Variants in DLD observed in about 807,000 individuals in gnomAD.
DLD encodes dihydrolipoamide dehydrogenase, also known as dihydrolipoyl dehydrogenase, mitochondrial.
Under a neutral mutation model 62.2 loss-of-function variants are expected in DLD, and 36 were observed. That is an observed-to-expected ratio of 0.58 (90% confidence interval 0.44 to 0.76). DLD has a LOEUF of 0.76. Among genes scored for constraint, DLD ranks in the 30% least tolerant of loss-of-function variants. The pLI is 0.00. For synonymous variants in DLD, 204 were observed against 199.6 expected (o/e 1.02, Z -0.19); for missense variants, 541 against 608.6 (o/e 0.89, Z 1.17).
Position 107,919,334 on chromosome 7 carries a change from T to C in DLD, c.*75T>C. 8.4e-7 allele frequency: 1 copy of C among 1,184,896 alleles called. No homozygotes were observed. Among genetic ancestry groups the C allele is most frequent in the South Asian group, 1.3e-5 (1 of 77,210 alleles). 73.4% of individuals were successfully genotyped at this position (1,184,896 alleles called of 1,614,324 possible). On this transcript the variant is annotated 3_prime_UTR_variant, in exon 14 of 14. Coordinates refer to ENST00000205402, the MANE Select transcript of DLD (RefSeq NM_000108.5). Reference sequence around the variant, plus strand: ...AGAAGTCACATTCCTGAACAGGATATTCTCACAGCTCCAAGAATTTCTAGG... The same window carrying C: ...AGAAGTCACATTCCTGAACAGGATACTCTCACAGCTCCAAGAATTTCTAGG...
At chr7:107,896,817 T>G (rs1432475449) in intron 2 of DLD, among the ~76,000 whole-genome samples, 2 of 151,962 alleles carry the variant, frequency 1.3e-5, no homozygotes, top group Admixed American at 6.6e-5. Flanking sequence ...TTTTTCTTTT[T>G]AAAAATCTGG....
At chr7:107,896,067 G>A (rs1472980578) in intron 2 of DLD, among the ~76,000 whole-genome samples, 1 of 152,220 alleles carries the variant, frequency 6.6e-6, no homozygotes, top group East Asian at 1.9e-4. Context: ...AAACTGCATG[G>A]TATTGGTGAG....
intron 10 of DLD, 130 bp downstream of exon 10, chr7:107,917,094 A>G (rs1426213299): frequency 1.7e-6 from 2 of 1,201,644 alleles, no homozygotes; most frequent in Admixed American, 2.1e-5. Context: ...ACAAAATGTA[A>G]AATAAAAAAT....
Position 107,916,475 on chromosome 7 carries a change from CCA to C in DLD, c.876-318_876-317del, listed in dbSNP as rs2032271657. Among the ~76,000 whole-genome samples the C allele has an allele frequency of 3.9e-5, 6 of 152,214 alleles. No individual in the cohort carries two copies. In the South Asian group the frequency reaches 1.0e-3, roughly 26 times the overall value. On this transcript the variant is annotated intron_variant, in intron 9 of 13. Coordinates refer to ENST00000205402, the MANE Select transcript of DLD (RefSeq NM_000108.5). ...AGATCATGAAGTCAAGAGATCAAGA[CCA>C]GCCTGGCAACATGGTGAAACCCCGT...
chr7:107,905,568 T>G, intron 7 of DLD, 64 bp downstream of exon 7: 1 of 1,525,356 alleles, frequency 6.6e-7, no homozygotes, highest in Non-Finnish European at 9.1e-7. Flanking sequence ...TTATAAGTTA[T>G]TTATGCTATT....
In DLD at chr7:107,901,801, C is replaced by T. The variant is rs796051947; in HGVS notation, c.182C>T (p.Ala61Val). The T allele has an allele frequency of 1.2e-6, 2 of 1,613,292 alleles. No homozygotes were observed. The highest frequency in any genetic ancestry group is 1.7e-6 in the Non-Finnish European group (2 of 1,179,382). Residue 61 changes from alanine (A) to valine (V), a missense_variant, in exon 3 of 14, where the codon GCC becomes GTC. Coordinates refer to ENST00000205402, the MANE Select transcript of DLD (RefSeq NM_000108.5). ...GGATATGTTGCTGCTATTAAAGCTG[C>T]CCAGTTAGGCTTCAAGGTAAGGTTT... is the stretch of plus-strand genomic sequence containing the variant. ...PGGYVAAIKA[A>V]QLGFKTVCIE...
intron 1 of DLD, among the ~76,000 whole-genome samples, chr7:107,892,531 C>CAATTTA (rs1562908951): frequency 2.0e-4 from 30 of 149,606 alleles, no homozygotes; most frequent in African/African-American, 6.9e-4. Flanking sequence ...ACTTTCAGAG[C>CAATTTA]TTTATTTATT....
intron 8 of DLD, among the ~76,000 whole-genome samples, chr7:107,912,397 A>G (rs902113393): frequency 1.3e-5 from 2 of 152,030 alleles, no homozygotes; most frequent in African/African-American, 4.8e-5. Context: ...TTTTTGAGGA[A>G]CCTTCATACT....
At chr7:107,907,491 G>T (rs1161021853) in intron 8 of DLD, among the ~76,000 whole-genome samples, 1 of 152,092 alleles carries the variant, frequency 6.6e-6, no homozygotes, top group African/African-American at 2.4e-5. Context: ...AATCAGATGA[G>T]AACTCCCTCA....
chr7:107,913,192 C>T (rs1268887893), intron 8 of DLD, among the ~76,000 whole-genome samples: 1 of 152,078 alleles, frequency 6.6e-6, no homozygotes, highest in Non-Finnish European at 1.5e-5. Flanking sequence ...ATTTTGGTTA[C>T]TATAGCTTTT....
At chr7:107,902,908 A>G (rs7779702) in intron 4 of DLD, among the ~76,000 whole-genome samples, 30,307 of 152,108 alleles carry the variant, frequency 0.2, 3,334 homozygotes, top group East Asian at 0.51. Context: ...GCCATATACT[A>G]TTCCATGTAG....
At chr7:107,906,220 T>C (rs2032002977) in intron 7 of DLD, 47 bp from the exon 8 acceptor site, 2 of 1,226,510 alleles carry the variant, frequency 1.6e-6, no homozygotes, top group South Asian at 2.4e-5. Context: ...TCGACTGTAC[T>C]AGGTTTTTTC....
chr7:107,907,543 C>T (rs889720217), intron 8 of DLD, among the ~76,000 whole-genome samples: 4 of 152,176 alleles, frequency 2.6e-5, no homozygotes, highest in African/African-American at 9.6e-5. Flanking sequence ...CCTGTTGTTA[C>T]ACCTATCCTT....
chr7:107,891,483 G>C (rs1474002465), intron 1 of DLD, 194 bp downstream of exon 1: 2 of 664,950 alleles, frequency 3.0e-6, no homozygotes, highest in Non-Finnish European at 5.3e-6. Context: ...AGCAGGCGAG[G>C]GACGGGGCTG....
In DLD at chr7:107,905,054, A is replaced by G. The variant is rs2031970628; in HGVS notation, c.434A>G (p.Asn145Ser). 4 of 1,600,396 alleles carry G rather than the reference A, an allele frequency of 2.5e-6. No homozygotes were observed. Among genetic ancestry groups the G allele is most frequent in the Non-Finnish European group, 3.4e-6 (4 of 1,168,166 alleles). ...GGAATTGCCCACTTATTCAAACAGA[A>G]TAAGGTCAGTGTTTAATATTCAGAT... is the stretch of plus-strand genomic sequence containing the variant. ...TGGIAHLFKQNKVVHVNGYGK... is the reference protein window; with the variant it reads ...TGGIAHLFKQSKVVHVNGYGK... Residue 145 changes from asparagine (N) to serine (S), a missense_variant, in exon 6 of 14, where the codon AAT becomes AGT. Transcript: ENST00000205402.
intron 12 of DLD, among the ~76,000 whole-genome samples, chr7:107,918,606 A>G (rs73726769): frequency 0.011 from 1,751 of 152,312 alleles, 34 homozygotes; most frequent in African/African-American, 0.04. Context: ...CACTGAGCCT[A>G]AAGTATGTAT....
At chr7:107,900,464 T>C (rs1401612679) in intron 2 of DLD, among the ~76,000 whole-genome samples, 1 of 152,168 alleles carries the variant, frequency 6.6e-6, no homozygotes, top group Non-Finnish European at 1.5e-5. Context: ...AAGTAGGTTT[T>C]TTTTGTGGTC....
intron 8 of DLD, among the ~76,000 whole-genome samples, chr7:107,911,608 C>G (rs1371072669): frequency 6.6e-6 from 1 of 152,032 alleles, no homozygotes; most frequent in East Asian, 1.9e-4. Flanking sequence ...TGTTGCTCTG[C>G]TTTTCCACTG....
chr7:107,916,685 A>ACAAAC, intron 9 of DLD, 109 bp from the exon 10 acceptor site: 2 of 1,225,410 alleles, frequency 1.6e-6, no homozygotes, highest in Non-Finnish European at 2.4e-6. Flanking sequence ...ACAAAACAAA[A>ACAAAC]CAAAAATGAA....
Sources: allele counts gnomAD v4.1 joint callset (sites outside exome capture counted in the v4.1 genomes callset), GRCh38; gene constraint gnomAD v4.1.1; transcripts MANE v1.5; gene names NCBI Gene and HGNC (gene_info 2026-07-23, HGNC 2026-07-21).